Variants in LEF1 observed in about 807,000 individuals in gnomAD.
LEF1 encodes the protein lymphoid enhancer binding factor 1, also known as lymphoid enhancer-binding factor 1.
In LEF1, 14 loss-of-function variants were observed where a neutral mutation model predicts 51.2. The ratio of observed to expected loss-of-function variants is 0.27; its 90% confidence interval spans 0.18 to 0.43. The LOEUF (loss-of-function observed/expected upper bound fraction) is 0.43. LEF1 is among the 20% of genes least tolerant of loss of function. The pLI, the probability that LEF1 is intolerant of heterozygous loss-of-function variation, is 1.00. For synonymous variants in LEF1, 185 were observed against 183.2 expected (o/e 1.01, Z -0.08); for missense variants, 386 against 512.0 (o/e 0.75, Z 2.37).
At chr4:108,062,780 G>A (rs894541339) in intron 11 of LEF1, among the ~76,000 whole-genome samples, 1 of 152,174 alleles carries the variant, frequency 6.6e-6, no homozygotes, top group Non-Finnish European at 1.5e-5. Context: ...GAGAGAAAAG[G>A]CTCAAGACAG....
At chr4:108,091,324 T>C (rs928438412) in intron 3 of LEF1, among the ~76,000 whole-genome samples, 1 of 152,068 alleles carries the variant, frequency 6.6e-6, no homozygotes, top group Non-Finnish European at 1.5e-5. Context: ...ATAAAAAATA[T>C]GTGGCTCCAA....
intron 11 of LEF1, among the ~76,000 whole-genome samples, chr4:108,052,117 G>C (rs1313163356): frequency 6.6e-6 from 1 of 152,192 alleles, no homozygotes; most frequent in Non-Finnish European, 1.5e-5. Context: ...AGGTGGTGGA[G>C]TGGAGGGTCA....
chr4:108,135,848 C>T (rs562045155), intron 3 of LEF1, among the ~76,000 whole-genome samples: 5 of 152,320 alleles, frequency 3.3e-5, no homozygotes, highest in South Asian at 2.1e-4. Flanking sequence ...TCTCCTCCCA[C>T]GCACCCCATG....
chr4:108,076,032 G>GA (rs1738833785), intron 8 of LEF1, among the ~76,000 whole-genome samples: 2 of 149,842 alleles, frequency 1.3e-5, no homozygotes, highest in Non-Finnish European at 3.0e-5. Flanking sequence ...TCCCTAAAGA[G>GA]CTAAACGCTT....
At chr4:108,075,717 G>A (rs1738813872) in intron 8 of LEF1, among the ~76,000 whole-genome samples, 1 of 152,146 alleles carries the variant, frequency 6.6e-6, no homozygotes. Context: ...ATGTCTTTTG[G>A]CTGACAGTTG....
At chr4:108,106,712 C>A (rs1046824703) in intron 3 of LEF1, among the ~76,000 whole-genome samples, 1 of 152,182 alleles carries the variant, frequency 6.6e-6, no homozygotes, top group East Asian at 1.9e-4. Flanking sequence ...AGAAGACTAC[C>A]TATCCTGGAT....
intron 3 of LEF1, among the ~76,000 whole-genome samples, chr4:108,158,975 G>A (rs1006354692): frequency 1.3e-5 from 2 of 151,626 alleles, no homozygotes; most frequent in South Asian, 2.1e-4. Context: ...CTTTTTTTTA[G>A]TGTGTGGTCT....
chr4:108,141,307 A>T (rs1412539893), intron 3 of LEF1, among the ~76,000 whole-genome samples: 1 of 152,170 alleles, frequency 6.6e-6, no homozygotes, highest in Non-Finnish European at 1.5e-5. Context: ...TTACATATGC[A>T]AACATTATCT....
intron 3 of LEF1, among the ~76,000 whole-genome samples, chr4:108,108,793 A>G (rs532201999): frequency 1.3e-5 from 2 of 152,326 alleles, no homozygotes; most frequent in Non-Finnish European, 2.9e-5. Flanking sequence ...GAAAACAAGC[A>G]AACGAGCTCT....
intron 3 of LEF1, among the ~76,000 whole-genome samples, chr4:108,146,665 A>G (rs1189560049): frequency 6.6e-6 from 1 of 152,238 alleles, no homozygotes; most frequent in African/African-American, 2.4e-5. Flanking sequence ...TCTGCATTAT[A>G]TACCTATTGG....
rs542473393 is a variant in LEF1 at position 108,113,809 on chromosome 4, A to G, written c.415-24552T>C. Among the ~76,000 whole-genome samples, 14 of 152,348 alleles carry G rather than the reference A, an allele frequency of 9.2e-5. No individual in the cohort carries two copies. In the South Asian group the frequency reaches 2.9e-3, roughly 32 times the overall value. The stretch of plus-strand genomic sequence containing the variant: ...CACTATGTGGCTATTTCTACTACTC[A>G]GCTACCCACTGTCACAAGTGCTTAG... On this transcript the variant is annotated intron_variant, in intron 3 of 11. Transcript: ENST00000265165.
intron 2 of LEF1, among the ~76,000 whole-genome samples, chr4:108,164,387 A>T (rs1198574262): frequency 6.6e-6 from 1 of 152,164 alleles, no homozygotes; most frequent in Non-Finnish European, 1.5e-5. Flanking sequence ...CCTGGTTGAC[A>T]TATTGTATGT....
intron 3 of LEF1, among the ~76,000 whole-genome samples, chr4:108,123,715 T>A (rs545316526): frequency 6.6e-6 from 1 of 152,216 alleles, no homozygotes; most frequent in African/African-American, 2.4e-5. Context: ...GTAAAATGTA[T>A]CTCCATATTT....
intron 3 of LEF1, among the ~76,000 whole-genome samples, chr4:108,118,882 G>T (rs187697226): frequency 1.3e-5 from 2 of 151,398 alleles, no homozygotes; most frequent in Non-Finnish European, 2.9e-5. Flanking sequence ...TTGTTGTTAC[G>T]GTCTAATCTA....
intron 3 of LEF1, among the ~76,000 whole-genome samples, chr4:108,158,850 G>A (rs1052947488): frequency 2.0e-5 from 3 of 152,134 alleles, no homozygotes; most frequent in East Asian, 1.9e-4. Flanking sequence ...TAAGGGTCTC[G>A]GACCACAGGG....
intron 3 of LEF1, among the ~76,000 whole-genome samples, chr4:108,110,840 T>G (rs1741488681): frequency 6.6e-6 from 1 of 152,218 alleles, no homozygotes; most frequent in Admixed American, 6.5e-5. Flanking sequence ...GTAAGCACAC[T>G]GCAATCTTTC....
intron 3 of LEF1, among the ~76,000 whole-genome samples, chr4:108,138,706 C>A (rs1022502217): frequency 1.3e-5 from 2 of 152,232 alleles, no homozygotes; most frequent in African/African-American, 4.8e-5. Flanking sequence ...AGCCCCAACT[C>A]CTCCAAACGC....
At chr4:108,152,363 A>G (rs1244868785) in intron 3 of LEF1, among the ~76,000 whole-genome samples, 1 of 152,206 alleles carries the variant, frequency 6.6e-6, no homozygotes, top group African/African-American at 2.4e-5. Context: ...CTTGAAAGGG[A>G]GATGGTTCCA....
intron 3 of LEF1, among the ~76,000 whole-genome samples, chr4:108,130,193 G>A (rs1742784494): frequency 6.6e-6 from 1 of 152,000 alleles, no homozygotes; most frequent in Admixed American, 6.6e-5. Flanking sequence ...TGGAATTAAG[G>A]CTAAAAAAAG....
Sources: gnomAD v4.1 joint callset for allele counts (sites outside exome capture counted in the v4.1 genomes callset) on GRCh38, gnomAD v4.1.1 for gene constraint, MANE v1.5 for transcripts, NCBI Gene and HGNC (gene_info 2026-07-23, HGNC 2026-07-21) for gene names.